The following PRKAR2A variants were observed in gnomAD, a reference collection of about 807,000 sequenced individuals.
The protein encoded by PRKAR2A is protein kinase cAMP-dependent type II regulatory subunit alpha.
Under a neutral mutation model 51.9 loss-of-function variants are expected in PRKAR2A, and 29 were observed. That is an observed-to-expected ratio of 0.56 (90% CI 0.42 to 0.76). PRKAR2A has a LOEUF of 0.76. Ranked by LOEUF, PRKAR2A falls within the 30% of genes least tolerant of loss-of-function variation. The pLI, the probability that PRKAR2A is intolerant of heterozygous loss-of-function variation, is 0.00. For synonymous variants in PRKAR2A, 178 were observed against 186.2 expected (o/e 0.96, Z 0.36); for missense variants, 445 against 512.1 (o/e 0.87, Z 1.26).
intron 4 of PRKAR2A, 79 bp from the exon 5 acceptor site, chr3:48,783,171 G>C: frequency 1.1e-6 from 1 of 927,900 alleles, no homozygotes; most frequent in Non-Finnish European, 1.7e-6. Context: ...ATCTCAATTT[G>C]TGACTATGTA....
intron 1 of PRKAR2A, among the ~76,000 whole-genome samples, chr3:48,840,248 G>A (rs898158422): frequency 3.9e-5 from 6 of 152,116 alleles, no homozygotes; most frequent in African/African-American, 1.4e-4. Flanking sequence ...CCATCACTTT[G>A]GGAAGTCGAG....
intron 1 of PRKAR2A, among the ~76,000 whole-genome samples, chr3:48,822,458 G>GA (rs769735905): frequency 6.6e-6 from 1 of 152,068 alleles, no homozygotes; most frequent in Admixed American, 6.6e-5. Flanking sequence ...GCTTAGATTA[G>GA]AGCAAAGAGA....
Position 48,808,811 on chromosome 3 carries a change from C to T in PRKAR2A, c.263-1127G>A, listed in dbSNP as rs566522072. Among the ~76,000 whole-genome samples the T allele has an allele frequency of 1.4e-4, 16 of 116,890 alleles. No individual in the cohort carries two copies. The East Asian group carries it at 3.9e-3, about 29-fold the overall frequency. 76.7% of individuals were successfully genotyped at this position (116,890 alleles called of 152,430 possible). On this transcript the variant is annotated intron_variant, in intron 1 of 10. Coordinates refer to ENST00000265563, the MANE Select transcript of PRKAR2A (RefSeq NM_004157.4). Reference sequence around the variant, plus strand: ...GGATTACAGGCGTGAGCCACCGCGCCTGGCCTGTATTTTTTTAGAGATGGA... The same window carrying T: ...GGATTACAGGCGTGAGCCACCGCGCTTGGCCTGTATTTTTTTAGAGATGGA...
At chr3:48,781,124 C>T (rs535334104) in intron 5 of PRKAR2A, among the ~76,000 whole-genome samples, 44 of 151,180 alleles carry the variant, frequency 2.9e-4, no homozygotes, top group Non-Finnish European at 3.4e-4. Flanking sequence ...GCGTGCACCA[C>T]CATGCCTGGC....
At position 48,752,246 on chromosome 3, in the gene PRKAR2A, T is replaced by C; in HGVS notation, c.1011A>G (p.Gly337=). ...GTTTGTTGGTGACCAGGGCAAGCTCTCCAAAGTACTGCCCCTTATGGCAGC... is the reference window on the plus strand; with the variant it reads ...GTTTGTTGGTGACCAGGGCAAGCTCCCCAAAGTACTGCCCCTTATGGCAGC... The part of the protein sequence containing the change: ...IARCHKGQYF[G]ELALVTNKPR... Residue 337 remains glycine (G), a synonymous_variant, in exon 10 of 11, where the codon GGA becomes GGG. Transcript: ENST00000265563. The C allele has an allele frequency of 6.2e-7, 1 of 1,614,212 alleles. No individual in the cohort carries two copies. The highest frequency in any genetic ancestry group is 8.5e-7 in the Non-Finnish European group (1 of 1,180,034).
chr3:48,754,501 G>A (rs1325955380), intron 9 of PRKAR2A, among the ~76,000 whole-genome samples: 1 of 152,006 alleles, frequency 6.6e-6, no homozygotes, highest in Admixed American at 6.6e-5. Context: ...CATGGGCGCC[G>A]GTGGCTCATG....
At chr3:48,765,187 A>G in intron 7 of PRKAR2A, 61 bp downstream of exon 7, 3 of 1,550,586 alleles carry the variant, frequency 1.9e-6, no homozygotes, top group Non-Finnish European at 1.8e-6. Flanking sequence ...ACCTAACAAC[A>G]GAATAGTTTT....
chr3:48,778,022 T>A (rs1345187915), intron 5 of PRKAR2A, among the ~76,000 whole-genome samples: 3 of 152,226 alleles, frequency 2.0e-5, no homozygotes, highest in African/African-American at 7.2e-5. Flanking sequence ...CAGGTCATCC[T>A]CTATATAATG....
chr3:48,792,681 G>A (rs533240341), intron 3 of PRKAR2A, among the ~76,000 whole-genome samples: 2 of 151,050 alleles, frequency 1.3e-5, no homozygotes, highest in African/African-American at 4.9e-5. Context: ...GGCTGGTCTC[G>A]AACTCCTGAC....
intron 6 of PRKAR2A, among the ~76,000 whole-genome samples, 184 bp downstream of exon 6, chr3:48,772,771 G>T (rs1015569198): frequency 6.6e-6 from 1 of 152,016 alleles, no homozygotes; most frequent in Non-Finnish European, 1.5e-5. Flanking sequence ...CTCCCAACTA[G>T]CTGGGACTAC....
Position 48,847,316 on chromosome 3 carries a change from G to A in PRKAR2A, c.262+19C>T, listed in dbSNP as rs78816848. On this transcript the variant is annotated intron_variant, in intron 1 of 10. Transcript: ENST00000265563. The surrounding 1 kb of genome is among the most constrained non-coding windows in gnomAD (Gnocchi z 4.4). ...GGAGACCTCCTGCACCACTCCCCAGGGCCCCGCCCACAGCCTACCTTCCAA... is the reference window on the plus strand; with the variant it reads ...GGAGACCTCCTGCACCACTCCCCAGAGCCCCGCCCACAGCCTACCTTCCAA... 1,340 of 1,612,532 alleles carry A rather than the reference G, an allele frequency of 8.3e-4. 11 individuals carry two copies. In the African/African-American group the frequency reaches 0.016, roughly 19 times the overall value.
chr3:48,778,900 A>C (rs2082147399), intron 5 of PRKAR2A, among the ~76,000 whole-genome samples: 1 of 140,548 alleles, frequency 7.1e-6, no homozygotes, highest in Non-Finnish European at 1.5e-5. Flanking sequence ...ATCTCGGCTC[A>C]CTGCAACCTC....
chr3:48,796,907 A>G (rs990406756), intron 2 of PRKAR2A, among the ~76,000 whole-genome samples: 2 of 152,062 alleles, frequency 1.3e-5, no homozygotes, highest in Admixed American at 6.6e-5. Flanking sequence ...CTCAGAATTC[A>G]TAAGTGCAAT....
intron 4 of PRKAR2A, among the ~76,000 whole-genome samples, chr3:48,784,656 G>A (rs572028228): frequency 2.9e-4 from 44 of 152,180 alleles, no homozygotes; most frequent in African/African-American, 9.4e-4. Context: ...TAACAGGGGC[G>A]GAAAGGGAGC....
intron 1 of PRKAR2A, among the ~76,000 whole-genome samples, chr3:48,829,080 C>A (rs930323106): frequency 6.6e-6 from 1 of 151,928 alleles, no homozygotes; most frequent in African/African-American, 2.4e-5. Context: ...AAGTGATCCA[C>A]CCACCTTGGC....
intron 1 of PRKAR2A, among the ~76,000 whole-genome samples, chr3:48,818,244 A>G (rs569463571): frequency 2.0e-5 from 3 of 152,228 alleles, no homozygotes; most frequent in Non-Finnish European, 2.9e-5. Context: ...AAATCAGCCT[A>G]TTAAGAAACC....
chr3:48,834,637 G>A (rs542533893), intron 1 of PRKAR2A, among the ~76,000 whole-genome samples: 4 of 151,384 alleles, frequency 2.6e-5, no homozygotes, highest in Non-Finnish European at 5.9e-5. Context: ...GAGGCAAGAG[G>A]GTTACTTGAG....
intron 1 of PRKAR2A, among the ~76,000 whole-genome samples, chr3:48,841,935 G>T (rs975788683): frequency 6.6e-6 from 1 of 151,994 alleles, no homozygotes; most frequent in African/African-American, 2.4e-5. Context: ...TTTGAAAAAG[G>T]TATCAAAGAT....
At chr3:48,804,391 G>A (rs1416995937) in intron 2 of PRKAR2A, among the ~76,000 whole-genome samples, 2 of 152,074 alleles carry the variant, frequency 1.3e-5, no homozygotes, top group African/African-American at 4.8e-5. Context: ...AGCCTAGGAA[G>A]TTGAGGCTGC....
Sources: gnomAD v4.1 joint callset for allele counts (sites outside exome capture counted in the v4.1 genomes callset) on GRCh38, gnomAD v4.1.1 for gene constraint, Gnocchi (gnomAD v3.1) non-coding constraint, MANE v1.5 for transcripts, NCBI Gene and HGNC (gene_info 2026-07-23, HGNC 2026-07-21) for gene names.